Variants in CDH18 observed in about 807,000 individuals in gnomAD.
CDH18 encodes the protein cadherin 18.
In CDH18, 31 loss-of-function variants were observed where a neutral mutation model predicts 67.9. That is an observed-to-expected ratio of 0.46 (90% CI 0.34 to 0.62). The LOEUF (loss-of-function observed/expected upper bound fraction) is 0.62, where lower values mean the gene tolerates loss of function less well. Ranked by LOEUF, CDH18 falls within the 20% of genes least tolerant of loss-of-function variation. CDH18 has a pLI of 0.01. For missense variants in CDH18, 890 were observed against 975.5 expected (o/e 0.91, Z 1.17); for synonymous variants, 362 against 347.2 (o/e 1.04, Z -0.48).
chr5:19,994,185 C>T (rs78348970), intron 2 of CDH18, among the ~76,000 whole-genome samples: 1,745 of 151,618 alleles, frequency 0.012, 42 homozygotes, highest in African/African-American at 0.04. Context: ...TGAATGAATG[C>T]AATCTGGTGG....
intron 1 of CDH18, among the ~76,000 whole-genome samples, chr5:20,306,080 G>A (rs568051826): frequency 4.2e-4 from 64 of 152,262 alleles, no homozygotes; most frequent in African/African-American, 1.4e-3. Context: ...CAGAACTTTT[G>A]AAGACTTCTA....
rs1338205930 is a variant in CDH18, at chr5:20,511,970, G to A, written c.-580+63492C>T. On this transcript the variant is annotated intron_variant, in intron 1 of 14. Coordinates refer to the CDH18 transcript ENST00000507958. ...CAGGCTGGGTGTGGTGGCTCACGCC[G>A]AGCACTTTGGGAGGCTGAGGTGGGT... is the stretch of plus-strand genomic sequence containing the variant. Among the ~76,000 whole-genome samples the A allele has an allele frequency of 2.0e-5, 3 of 151,864 alleles. 1 individual carries two copies. Among genetic ancestry groups the A allele is most frequent in the African/African-American group, 4.8e-5 (2 of 41,364 alleles).
intron 1 of CDH18, among the ~76,000 whole-genome samples, chr5:20,265,694 C>T (rs1358881227): frequency 6.6e-6 from 1 of 151,916 alleles, no homozygotes; most frequent in Non-Finnish European, 1.5e-5. Flanking sequence ...ATGCCTGTAC[C>T]ATGCTAGATT....
intron 1 of CDH18, among the ~76,000 whole-genome samples, chr5:19,985,681 T>G (rs1799492722): frequency 6.6e-6 from 1 of 151,820 alleles, no homozygotes; most frequent in Non-Finnish European, 1.5e-5. Flanking sequence ...ATATGTATAA[T>G]GCAAGTATAA....
intron 5 of CDH18, among the ~76,000 whole-genome samples, chr5:19,626,972 A>C (rs1751650320): frequency 6.6e-6 from 1 of 152,188 alleles, no homozygotes; most frequent in African/African-American, 2.4e-5. Flanking sequence ...ATAAATATTG[A>C]AAACTCACTA....
At chr5:20,471,844 A>AAAAAAAAAAG (rs1752108375) in intron 1 of CDH18, among the ~76,000 whole-genome samples, 1 of 150,016 alleles carries the variant, frequency 6.7e-6, no homozygotes, top group East Asian at 2.0e-4. Flanking sequence ...AAAAAAAAAA[A>AAAAAAAAAAG]AAAAAAAGCA....
chr5:19,666,437 A>C (rs573914239), intron 5 of CDH18, among the ~76,000 whole-genome samples: 55 of 151,846 alleles, frequency 3.6e-4, no homozygotes, highest in African/African-American at 1.3e-3. Context: ...ATCCATTGTA[A>C]AAGATAAAAT....
chr5:19,759,904 G>A (rs1400845421), intron 3 of CDH18, among the ~76,000 whole-genome samples: 2 of 152,016 alleles, frequency 1.3e-5, no homozygotes, highest in Admixed American at 6.6e-5. Flanking sequence ...TGAATTGAGG[G>A]GCCATGATTC....
intron 9 of CDH18, among the ~76,000 whole-genome samples, chr5:19,535,947 A>C (rs1580072682): frequency 6.6e-6 from 1 of 152,316 alleles, no homozygotes; most frequent in East Asian, 1.9e-4. Context: ...CATTTAGTGC[A>C]CAGAACAAGG....
At chr5:19,645,915 T>G (rs556070255) in intron 5 of CDH18, among the ~76,000 whole-genome samples, 1 of 152,248 alleles carries the variant, frequency 6.6e-6, no homozygotes, top group African/African-American at 2.4e-5. Flanking sequence ...CTATTAACAT[T>G]ACTGTGATTG....
At chr5:20,263,289 G>A (rs557545499) in intron 1 of CDH18, among the ~76,000 whole-genome samples, 13 of 151,948 alleles carry the variant, frequency 8.6e-5, no homozygotes, top group African/African-American at 2.2e-4. Context: ...TTTTATTTGC[G>A]TAGTGTCAGA....
At chr5:20,231,913 A>T (rs1742108400) in intron 2 of CDH18, among the ~76,000 whole-genome samples, 1 of 152,116 alleles carries the variant, frequency 6.6e-6, no homozygotes. Flanking sequence ...TAACTTTTAA[A>T]GCTAAATCAA....
At chr5:20,381,127 T>A (rs1421927078) in intron 1 of CDH18, among the ~76,000 whole-genome samples, 1 of 151,928 alleles carries the variant, frequency 6.6e-6, no homozygotes, top group Non-Finnish European at 1.5e-5. Flanking sequence ...GAGAACACAG[T>A]GAGAAGGTGT....
At chr5:19,782,359 T>A (rs931012977) in intron 3 of CDH18, among the ~76,000 whole-genome samples, 2 of 152,156 alleles carry the variant, frequency 1.3e-5, no homozygotes, top group Non-Finnish European at 2.9e-5. Context: ...TACCTCCACC[T>A]GGTTCCGCCC....
chr5:20,160,409 T>A (rs781586473), intron 2 of CDH18, among the ~76,000 whole-genome samples: 2 of 152,142 alleles, frequency 1.3e-5, no homozygotes, highest in Non-Finnish European at 2.9e-5. Flanking sequence ...GATGGTGAAG[T>A]TCATTAAACC....
chr5:20,271,287 G>A (rs745479327), intron 1 of CDH18, among the ~76,000 whole-genome samples: 1 of 152,064 alleles, frequency 6.6e-6, no homozygotes, highest in Non-Finnish European at 1.5e-5. Context: ...TAGAACTGTT[G>A]TCCTCACGAG....
intron 1 of CDH18, among the ~76,000 whole-genome samples, chr5:20,360,851 A>C (rs77075985): frequency 0.048 from 7,252 of 152,260 alleles, 238 homozygotes; most frequent in Non-Finnish European, 0.073. Flanking sequence ...TAGGAAGTAT[A>C]CAATGACACT....
chr5:19,712,257 A>G (rs1431615628), intron 5 of CDH18, among the ~76,000 whole-genome samples: 1 of 152,102 alleles, frequency 6.6e-6, no homozygotes, highest in Admixed American at 6.6e-5. Flanking sequence ...CTATATATCC[A>G]TGTAACAAAA....
chr5:20,129,137 C>T (rs1480914256), intron 2 of CDH18, among the ~76,000 whole-genome samples: 3 of 151,654 alleles, frequency 2.0e-5, no homozygotes, highest in Middle Eastern at 3.2e-3. Context: ...CAGCCTTGCT[C>T]CATTATGTAG....
Sources: gnomAD v4.1 joint callset for allele counts (sites outside exome capture counted in the v4.1 genomes callset) on GRCh38, gnomAD v4.1.1 for gene constraint, MANE v1.5 for transcripts, NCBI Gene and HGNC (gene_info 2026-07-23, HGNC 2026-07-21) for gene names.